The following CIC variants were observed in gnomAD, a reference collection of about 807,000 sequenced individuals.
CIC encodes the protein capicua transcriptional repressor.
CIC carries 18 observed loss-of-function variants against 115.7 expected under a neutral mutation model. The ratio of observed to expected loss-of-function variants is 0.16; its 90% CI spans 0.11 to 0.23. CIC has a LOEUF of 0.23. CIC is among the 10% of genes least tolerant of loss of function. The pLI is 1.00. For missense variants in CIC, 2,000 were observed against 2,159.3 expected, an observed-to-expected ratio of 0.93 and a Z score of 1.46; for synonymous variants, 1,076 against 923.0, an observed-to-expected ratio of 1.17 and a Z score of -3.01.
chr19:42,275,172 C>T (rs143316483), intron 2 of CIC, among the ~76,000 whole-genome samples: 3 of 152,284 alleles, frequency 2.0e-5, no homozygotes, highest in Non-Finnish European at 4.4e-5. Flanking sequence ...CAGGCTGGCC[C>T]GTGACCACGT....
rs2038113949 is a variant in CIC at position 42,291,619 on chromosome 19, G to A, written c.5487G>A (p.Gly1829=). 2 of 1,612,994 alleles carry A rather than the reference G, an allele frequency of 1.2e-6. No homozygotes were observed. Among genetic ancestry groups the A allele is most frequent in the Non-Finnish European group, 8.5e-7 (1 of 1,179,992 alleles). ...PPGGSAQLLP[G]KVLVPLAAPS... Reference sequence around the variant, plus strand: ...GTGGCTCAGCCCAGCTGCTGCCTGGGAAGGTCCTAGTGCCTCTGGCCGCCC... The same window carrying A: ...GTGGCTCAGCCCAGCTGCTGCCTGGAAAGGTCCTAGTGCCTCTGGCCGCCC... The change falls in exon 12 of 21, where the codon GGG becomes GGA. Residue 1829 remains glycine (G), a synonymous_variant. Coordinates refer to ENST00000681038, the MANE Select transcript of CIC (RefSeq NM_001386298.1).
At chr19:42,268,870 T>C (rs1322594901), upstream of CIC, among the ~76,000 whole-genome samples, 1 of 152,208 alleles carries the variant, frequency 6.6e-6, no homozygotes, top group African/African-American at 2.4e-5. Flanking sequence ...CCTCCTCCTT[T>C]CATTTCATTG....
chr19:42,271,192 G>A (rs184915861), intron 1 of CIC, among the ~76,000 whole-genome samples: 10 of 152,364 alleles, frequency 6.6e-5, no homozygotes, highest in Admixed American at 1.3e-4. Flanking sequence ...CATGGTGACA[G>A]TGCGAGTAAA....
intron 14 of CIC, 21 bp from the exon 15 acceptor site, chr19:42,292,545 T>C: frequency 6.3e-7 from 1 of 1,592,712 alleles, no homozygotes; most frequent in Non-Finnish European, 8.6e-7. Flanking sequence ...GGTCTCCTGC[T>C]TCTTCTTCTC....
chr19:42,292,774 A>G lies in CIC; in HGVS notation c.6111A>G (p.Pro2037=). ...LVYTVATSTT[P]PAATILPKGP... is the part of the protein sequence containing the mutation. Reference sequence around the variant, plus strand: ...ACACTGTGGCCACCAGCACAACCCCACCTGCAGCCACCATTCTGCCCAAGG... The same window carrying G: ...ACACTGTGGCCACCAGCACAACCCCGCCTGCAGCCACCATTCTGCCCAAGG... The change falls in exon 15 of 21, where the codon CCA becomes CCG. Residue 2037 remains proline (P), a synonymous_variant. Coordinates refer to ENST00000681038, the MANE Select transcript of CIC (RefSeq NM_001386298.1). 1 of 1,612,266 alleles carries G rather than the reference A, an allele frequency of 6.2e-7. No homozygotes were observed. The highest frequency in any genetic ancestry group is 1.1e-5 in the South Asian group (1 of 90,988).
chr19:42,294,074 A>T lies in CIC; in HGVS notation c.6907A>T (p.Arg2303Trp). ...RAILGSYRKK[R>W]KNSTDLDSAP... ...CATCCTGGGCTCTTACCGCAAGAAG[A>T]GGAAGAACTCCACGGGTAGGCGAGC... is the stretch of plus-strand genomic sequence containing the variant. Residue 2303 changes from arginine (R) to tryptophan (W), a missense_variant, in exon 18 of 21, where the codon AGG (arginine) becomes TGG (tryptophan). Arg to Trp is a moderately radical substitution (Grantham distance 101, BLOSUM62 -3). Coordinates refer to ENST00000681038, the MANE Select transcript of CIC (RefSeq NM_001386298.1). The T allele has an allele frequency of 6.2e-7, 1 of 1,613,582 alleles. No individual in the cohort carries two copies. Among genetic ancestry groups the T allele is most frequent in the Non-Finnish European group, 8.5e-7 (1 of 1,179,994 alleles).
intron 12 of CIC, 124 bp from the exon 13 acceptor site, chr19:42,291,962 C>A: frequency 6.9e-7 from 1 of 1,451,144 alleles, no homozygotes; most frequent in Non-Finnish European, 9.6e-7. Flanking sequence ...TCTTGCCCAT[C>A]CTGTTCTCAC....
chr19:42,274,290 C>T lies in CIC; in HGVS notation c.2507C>T (p.Ala836Val). The change falls in exon 2 of 21, where the codon GCT becomes GTT. Residue 836 changes from alanine to valine, a missense_variant. Ala to Val is a moderately conservative substitution (Grantham distance 64, BLOSUM62 0). Transcript: ENST00000681038. ...GEVGTAGEVR[A>V]GGPGRGCRET... ...GTGGGCACTGCTGGTGAGGTGCGGG[C>T]TGGGGGACCTGGGCGGGGCTGCCGT... The T allele has an allele frequency of 2.5e-6, 1 of 398,844 alleles. No individual in the cohort carries two copies. Among genetic ancestry groups the T allele is most frequent in the East Asian group, 3.6e-5 (1 of 28,084 alleles). 24.7% of individuals were successfully genotyped at this position (398,844 alleles called of 1,614,324 possible).
chr19:42,294,376 G>T, intron 19 of CIC, 72 bp downstream of exon 19: 1 of 1,600,826 alleles, frequency 6.2e-7, no homozygotes. Context: ...GGCGGTTAGA[G>T]AGTGAGAGAG....
At position 42,294,689 on chromosome 19, in the gene CIC, G is replaced by T. The variant is rs1474086366; in HGVS notation, c.7140G>T (p.Arg2380=). The change falls in exon 20 of 21, where the codon CGG becomes CGT. Residue 2380 remains arginine (R), a synonymous_variant. Coordinates refer to ENST00000681038, the MANE Select transcript of CIC (RefSeq NM_001386298.1). ...SSLRRTLDQR[R]ALVMQLFQDH... ...TGCGGCGCACCCTGGACCAGCGCCGGGCCCTGGTCATGCAGCTCTTTCAGG... is the reference window on the plus strand; with the variant it reads ...TGCGGCGCACCCTGGACCAGCGCCGTGCCCTGGTCATGCAGCTCTTTCAGG... 5 of 1,613,614 alleles carry T rather than the reference G, an allele frequency of 3.1e-6. No individual in the cohort carries two copies. In the South Asian group the frequency reaches 4.4e-5, roughly 14 times the overall value.
Position 42,273,530 on chromosome 19 carries a change from C to T in CIC, c.1747C>T (p.Leu583=). ...VAARGDSRPR[L]VAPADLSRFE... is the part of the protein sequence containing the mutation. ...GGCTCGTGGAGACTCACGGCCACGC[C>T]TGGTGGCCCCTGCTGACTTGTCACG... The change falls in exon 2 of 21, where the codon CTG becomes TTG. Residue 583 remains leucine (L), a synonymous_variant. Transcript: ENST00000681038. 1 of 398,546 alleles carries T rather than the reference C, an allele frequency of 2.5e-6. No individual in the cohort carries two copies. The highest frequency in any genetic ancestry group is 4.4e-6 in the Non-Finnish European group (1 of 225,992). The allele number at this position is 398,546 out of a possible 1,614,324, so 24.7% of individuals were successfully genotyped here. A position where few individuals can be genotyped will look rare whatever the true frequency, so the allele number is the denominator to read the frequency against.
Position 42,289,275 on chromosome 19 carries a change from T to C in CIC, c.3956T>C (p.Leu1319Ser). 6.2e-7 allele frequency: 1 copy of C among 1,613,834 alleles called. No homozygotes were observed. Among genetic ancestry groups the C allele is most frequent in the South Asian group, 1.1e-5 (1 of 91,086 alleles). The stretch of plus-strand genomic sequence containing the variant: ...GCAGCCCCTGGTGAGGGAGGTGCCT[T>C]GGCGGCCACTGGGCGGCCCCCGCTG... Reference protein sequence around the residue: ...PFAAPGEGGALAATGRPPLLP... With the variant: ...PFAAPGEGGASAATGRPPLLP... Residue 1319 changes from leucine to serine, a missense_variant, in exon 9 of 21, where the codon TTG becomes TCG. Physicochemically the swap from Leu to Ser is moderately radical, Grantham distance 145 (BLOSUM62 -2). Around this residue, in one of 8 missense-constraint regions of CIC, gnomAD observed 1,466 missense variants for 1,390.4 expected, o/e 1.05. Transcript: ENST00000681038.
Position 42,295,541 on chromosome 19 carries a change from G to C in CIC, c.*350G>C, listed in dbSNP as rs2038454297. The C allele has an allele frequency of 3.5e-6, 1 of 282,642 alleles. No homozygotes were observed. Among genetic ancestry groups the C allele is most frequent in the African/African-American group, 2.2e-5 (1 of 46,204 alleles). The allele number at this position is 282,642 out of a possible 1,614,324, so 17.5% of individuals were successfully genotyped here. On this transcript the variant is annotated 3_prime_UTR_variant, in exon 21 of 21. Transcript: ENST00000681038. ...CAGGGAGGCGCCTGTGGAATAGGGGGAGTTCATGCACCCCTTTTTTCCCCA... is the reference window on the plus strand; with the variant it reads ...CAGGGAGGCGCCTGTGGAATAGGGGCAGTTCATGCACCCCTTTTTTCCCCA...
chr19:42,294,698 C>T lies in CIC; in HGVS notation c.7149C>T (p.Val2383=), dbSNP rs1289681550. 3.1e-6 allele frequency: 5 copies of T among 1,613,666 alleles called. No individual in the cohort carries two copies. Among genetic ancestry groups the T allele is most frequent in the African/African-American group, 1.3e-5 (1 of 74,902 alleles). Residue 2383 remains valine, a synonymous_variant, in exon 20 of 21, where the codon GTC becomes GTT. Transcript: ENST00000681038. ...RRTLDQRRAL[V]MQLFQDHGFF... ...CCCTGGACCAGCGCCGGGCCCTGGT[C>T]ATGCAGCTCTTTCAGGACCATGGCT...
rs150738579 is a variant in CIC at position 42,294,777 on chromosome 19, T to C, written c.7186+42T>C. 2.1e-3 allele frequency: 3,434 copies of C among 1,609,830 alleles called. 7 individuals are homozygous for C. The highest frequency in any genetic ancestry group is 2.7e-3 in the Non-Finnish European group (3,143 of 1,179,992). ...GTCTTGGGGTCACTCGGGTGGGACT[T>C]ATCTGTACATCTCATCCTGTGCTCC... On this transcript the variant is annotated intron_variant, in intron 20 of 20. Transcript: ENST00000681038.
chr19:42,271,374 G>A (rs988501566), intron 1 of CIC, among the ~76,000 whole-genome samples: 1 of 152,222 alleles, frequency 6.6e-6, no homozygotes, highest in African/African-American at 2.4e-5. Context: ...AAATGAGGCC[G>A]ATAGTAGCAC....
chr19:42,284,602 C>T (rs1339271750), intron 2 of CIC: 6 of 583,670 alleles, frequency 1.0e-5, no homozygotes, highest in African/African-American at 7.9e-5. Context: ...CCTCCCGCTC[C>T]CCCCGGGCCC....
chr19:42,286,269 G>A (rs1196781591), intron 2 of CIC, among the ~76,000 whole-genome samples: 2 of 152,154 alleles, frequency 1.3e-5, no homozygotes, highest in East Asian at 1.9e-4. Flanking sequence ...CATAGTGAAC[G>A]GAGAGTTGGA....
chr19:42,292,840 C>G lies in CIC; in HGVS notation c.6177C>G (p.Ser2059Arg). The G allele has an allele frequency of 1.2e-6, 2 of 1,613,966 alleles. No homozygotes were observed. Among genetic ancestry groups the G allele is most frequent in the Non-Finnish European group, 1.7e-6 (2 of 1,180,018 alleles). Residue 2059 changes from serine to arginine, a missense_variant, in exon 15 of 21, where the codon AGC becomes AGG. Around this residue, in one of 8 missense-constraint regions of CIC, gnomAD observed 1,466 missense variants for 1,390.4 expected, o/e 1.05. Transcript: ENST00000681038. ...CCACTGCCACCCCAGCCCCGACTAG[C>G]CCTTTCCCCAGCGCCACAGGTAGGT... ...APATATPAPT[S>R]PFPSATAGSM...
Sources: allele counts gnomAD v4.1 joint callset (sites outside exome capture counted in the v4.1 genomes callset), GRCh38; gene constraint gnomAD v4.1.1; regional missense constraint gnomAD v4.1.1; transcripts MANE v1.5; gene names NCBI Gene and HGNC (gene_info 2026-07-23, HGNC 2026-07-21).